AGBL1: variants seen among roughly 807,000 people sequenced by gnomAD.
AGBL1 encodes the protein AGBL carboxypeptidase 1, also known as cytosolic carboxypeptidase 4.
AGBL1 carries 130 observed loss-of-function variants against 118.9 expected under a neutral mutation model. That is an observed-to-expected ratio of 1.09 (90% CI 0.95 to 1.26). The LOEUF (loss-of-function observed/expected upper bound fraction) is 1.26. Ranked by LOEUF, AGBL1 falls within the 50% of genes most tolerant of loss-of-function variation. The pLI, the probability that AGBL1 is intolerant of heterozygous loss-of-function variation, is 0.00. For synonymous variants in AGBL1, 555 were observed against 478.9 expected (o/e 1.16, Z -2.08); for missense variants, 1,584 against 1,298.1 (o/e 1.22, Z -3.38).
intron 24 of AGBL1, among the ~76,000 whole-genome samples, chr15:87,003,881 G>C (rs1429538309): frequency 2.6e-5 from 4 of 151,898 alleles, no homozygotes; most frequent in Non-Finnish European, 5.9e-5. Flanking sequence ...TCTTGCTAGT[G>C]GTCTATCAAT....
chr15:86,421,880 C>G (rs1241044199), intron 18 of AGBL1, among the ~76,000 whole-genome samples: 1 of 152,142 alleles, frequency 6.6e-6, no homozygotes, highest in Non-Finnish European at 1.5e-5. Context: ...GGAAAGGGAT[C>G]AATGCAACAA....
intron 22 of AGBL1, among the ~76,000 whole-genome samples, chr15:86,830,658 AC>A (rs1400015729): frequency 6.6e-6 from 1 of 152,188 alleles, no homozygotes; most frequent in Non-Finnish European, 1.5e-5. Context: ...TGGGCCCTCC[AC>A]GTAGCTCCAT....
chr15:87,011,905 A>C (rs1158448529), intron 24 of AGBL1, among the ~76,000 whole-genome samples: 1 of 152,178 alleles, frequency 6.6e-6, no homozygotes, highest in Non-Finnish European at 1.5e-5. Context: ...AAATCTATAA[A>C]GAGTCATCAA....
chr15:86,502,581 A>G (rs771459990), intron 18 of AGBL1, among the ~76,000 whole-genome samples: 22 of 145,052 alleles, frequency 1.5e-4, no homozygotes, highest in Non-Finnish European at 3.2e-4. Context: ...ATCAGGTTGA[A>G]GAAGTTCCCT....
intron 1 of AGBL1, among the ~76,000 whole-genome samples, chr15:86,098,526 C>T (rs2141488405): frequency 6.6e-6 from 1 of 152,258 alleles, no homozygotes; most frequent in Middle Eastern, 3.4e-3. Context: ...CATTCTCCTA[C>T]ACATGAATTT....
rs139294528 is a variant in AGBL1, at chr15:86,399,148, A to G, written c.2555+1602A>G. On this transcript the variant is annotated intron_variant, in intron 18 of 22. Coordinates refer to ENST00000614907, the MANE Select transcript of AGBL1 (RefSeq NM_001386094.1). ...CTAAGAAACTCGATCAGACCTTGGA[A>G]AGAAATTAGCCTTCTGAGCTCTCAA... Among the ~76,000 whole-genome samples the G allele has an allele frequency of 1.8e-3, 273 of 152,258 alleles. 1 individual carries two copies. The highest frequency in any genetic ancestry group is 6.4e-3 in the African/African-American group (265 of 41,552).
chr15:86,398,161 C>T (rs1434739166), intron 18 of AGBL1, among the ~76,000 whole-genome samples: 7 of 152,280 alleles, frequency 4.6e-5, no homozygotes, highest in African/African-American at 1.4e-4. Flanking sequence ...CTTCTCTTTA[C>T]CTAGCCCTTA....
chr15:86,140,521 A>G (rs1298774842), intron 1 of AGBL1, among the ~76,000 whole-genome samples: 1 of 152,114 alleles, frequency 6.6e-6, no homozygotes, highest in African/African-American at 2.4e-5. Flanking sequence ...TATACACAAA[A>G]CTTGATTTCT....
intron 22 of AGBL1, among the ~76,000 whole-genome samples, chr15:86,699,769 T>A (rs1171172708): frequency 6.6e-6 from 1 of 152,094 alleles, no homozygotes. Context: ...CTTTGACCGC[T>A]TGTTTAAAGT....
chr15:86,777,458 C>T (rs1383205009), intron 22 of AGBL1, among the ~76,000 whole-genome samples: 2 of 151,536 alleles, frequency 1.3e-5, no homozygotes, highest in African/African-American at 4.8e-5. Context: ...TCATCTTAGT[C>T]ATTATTTAAT....
chr15:87,017,917 C>G (rs1219619591), intron 24 of AGBL1, among the ~76,000 whole-genome samples: 1 of 152,102 alleles, frequency 6.6e-6, no homozygotes, highest in Admixed American at 6.6e-5. Context: ...AATACAAAAG[C>G]TGATAGCCAG....
chr15:86,818,346 C>T (rs895596459), intron 22 of AGBL1, among the ~76,000 whole-genome samples: 2 of 152,202 alleles, frequency 1.3e-5, no homozygotes, highest in African/African-American at 4.8e-5. Context: ...CTGAACTCCA[C>T]CTCCTGTCAG....
At chr15:86,418,710 C>A (rs1279048160) in intron 18 of AGBL1, among the ~76,000 whole-genome samples, 1 of 152,164 alleles carries the variant, frequency 6.6e-6, no homozygotes, top group African/African-American at 2.4e-5. Flanking sequence ...GAAGAGGAGA[C>A]CCCAGCTCCT....
chr15:86,365,714 G>A (rs2080876575), intron 17 of AGBL1, among the ~76,000 whole-genome samples: 1 of 151,680 alleles, frequency 6.6e-6, no homozygotes, highest in South Asian at 2.1e-4. Context: ...TTTTAGTTCT[G>A]CTTTCTAAGA....
intron 22 of AGBL1, among the ~76,000 whole-genome samples, chr15:86,866,377 A>G (rs2079630213): frequency 6.6e-6 from 1 of 152,206 alleles, no homozygotes; most frequent in African/African-American, 2.4e-5. Context: ...GGCATTGATC[A>G]CACCCTCAAA....
chr15:86,666,240 C>T (rs1179252203), intron 21 of AGBL1, among the ~76,000 whole-genome samples: 1 of 151,996 alleles, frequency 6.6e-6, no homozygotes, highest in African/African-American at 2.4e-5. Flanking sequence ...TCACATAACC[C>T]TTGGGATATT....
intron 20 of AGBL1, among the ~76,000 whole-genome samples, 166 bp from the exon 21 acceptor site, chr15:86,554,195 C>CA (rs1461726522): frequency 6.6e-6 from 1 of 152,038 alleles, no homozygotes; most frequent in African/African-American, 2.4e-5. Flanking sequence ...TCCTCATCTG[C>CA]AAAATGATTT....
At chr15:86,986,236 G>A (rs896949895) in intron 23 of AGBL1, among the ~76,000 whole-genome samples, 25 of 152,062 alleles carry the variant, frequency 1.6e-4, no homozygotes, top group Non-Finnish European at 3.2e-4. Context: ...GATATCAATT[G>A]TTAGAGTACT....
chr15:86,112,802 A>T (rs950657449), intron 1 of AGBL1, among the ~76,000 whole-genome samples: 1 of 152,228 alleles, frequency 6.6e-6, no homozygotes, highest in Non-Finnish European at 1.5e-5. Flanking sequence ...GAGGAGAAAG[A>T]TGGTAATTCA....
Sources: gnomAD v4.1 joint callset for allele counts (sites outside exome capture counted in the v4.1 genomes callset) on GRCh38, gnomAD v4.1.1 for gene constraint, MANE v1.5 for transcripts, NCBI Gene and HGNC (gene_info 2026-07-23, HGNC 2026-07-21) for gene names.